The following DCLK1 variants were observed in gnomAD, a reference collection of about 807,000 sequenced individuals.
DCLK1 encodes the protein doublecortin like kinase 1, also known as serine/threonine-protein kinase DCLK1.
DCLK1 carries 16 observed loss-of-function variants against 86.2 expected under a neutral mutation model. The observed-to-expected ratio is 0.19, with a 90% CI of 0.13 to 0.28. DCLK1 has a LOEUF of 0.28. DCLK1 is among the 10% of genes least tolerant of loss of function. The probability of loss-of-function intolerance (pLI) is 1.00; values close to 1 mark genes in which losing one functional copy is unlikely to be tolerated. For missense variants in DCLK1, 590 were observed against 940.2 expected, an observed-to-expected ratio of 0.63 and a Z score of 4.87; for synonymous variants, 369 against 370.5, an observed-to-expected ratio of 1.00 and a Z score of 0.05.
At chr13:35,972,310 C>T (rs527764332) in intron 3 of DCLK1, among the ~76,000 whole-genome samples, 7 of 151,942 alleles carry the variant, frequency 4.6e-5, no homozygotes, top group Non-Finnish European at 8.8e-5. Context: ...GCAATCATAG[C>T]TCACTGCAGC....
intron 4 of DCLK1, among the ~76,000 whole-genome samples, chr13:35,918,941 C>T (rs565819285): frequency 1.7e-5 from 2 of 120,722 alleles, no homozygotes; most frequent in African/African-American, 6.2e-5. Flanking sequence ...CTGTCTGCTG[C>T]CCAGGCTGGA....
chr13:35,805,551 G>A (rs1266722558), intron 15 of DCLK1, 148 bp downstream of exon 15: 3 of 691,854 alleles, frequency 4.3e-6, no homozygotes, highest in Non-Finnish European at 4.7e-6. Flanking sequence ...CACCCACCTC[G>A]GCCTCCCAAA....
At chr13:36,062,562 T>A (rs1363484406) in intron 3 of DCLK1, among the ~76,000 whole-genome samples, 1 of 152,186 alleles carries the variant, frequency 6.6e-6, no homozygotes, top group African/African-American at 2.4e-5. Flanking sequence ...TGTTGATGGA[T>A]CCTTAAAATG....
At chr13:35,827,532 T>G in intron 10 of DCLK1, 103 bp downstream of exon 10, 3 of 1,393,984 alleles carry the variant, frequency 2.2e-6, no homozygotes, top group African/African-American at 1.4e-5. Flanking sequence ...TGTACAGAAA[T>G]GAGAACCTGA....
At chr13:35,891,158 G>A (rs1284706217) in intron 4 of DCLK1, among the ~76,000 whole-genome samples, 1 of 151,976 alleles carries the variant, frequency 6.6e-6, no homozygotes, top group African/African-American at 2.4e-5. Flanking sequence ...TAGGTAGGTG[G>A]CATTATGGGT....
chr13:35,798,852 T>G (rs2086862828), intron 15 of DCLK1, among the ~76,000 whole-genome samples: 1 of 152,218 alleles, frequency 6.6e-6, no homozygotes, highest in Non-Finnish European at 1.5e-5. Context: ...GGGCTGAGTT[T>G]TATTAGTCAA....
In DCLK1 at chr13:36,003,538, G is replaced by T. The variant is rs1236947829; in HGVS notation, c.724-56081C>A. Among the ~76,000 whole-genome samples the T allele has an allele frequency of 2.6e-5, 4 of 152,146 alleles. No individual in the cohort carries two copies. In the East Asian group the frequency reaches 7.7e-4, roughly 29 times the overall value. The stretch of plus-strand genomic sequence containing the variant: ...TACAAGAAATATTTGCTGAGACTAG[G>T]ATTCATGGCAAGATTTGCTTATAAA... On this transcript the variant is annotated intron_variant, in intron 3 of 16. Transcript: ENST00000360631.
Position 35,995,746 on chromosome 13 carries a change from A to G in DCLK1, c.724-48289T>C, listed in dbSNP as rs199625986. 1.1e-4 allele frequency among the ~76,000 whole-genome samples: 16 copies of G among 152,336 alleles called. No individual in the cohort carries two copies. In the East Asian group the frequency reaches 2.3e-3, roughly 22 times the overall value. On this transcript the variant is annotated intron_variant, in intron 3 of 16. Coordinates refer to ENST00000360631, the MANE Select transcript of DCLK1 (RefSeq NM_001330071.2). Reference sequence around the variant, plus strand: ...TGTGAGAGACAACCTCAAAAAAGATAAACTAACCCACGTACGTGAGATCAC... The same window carrying G: ...TGTGAGAGACAACCTCAAAAAAGATGAACTAACCCACGTACGTGAGATCAC...
intron 15 of DCLK1, among the ~76,000 whole-genome samples, chr13:35,802,014 T>C (rs760300278): frequency 6.6e-6 from 1 of 152,152 alleles, no homozygotes; most frequent in Non-Finnish European, 1.5e-5. Context: ...GGCACCTCCT[T>C]CTCTGGGCTC....
intron 4 of DCLK1, among the ~76,000 whole-genome samples, chr13:35,901,264 A>C (rs1874338440): frequency 6.6e-6 from 1 of 152,112 alleles, no homozygotes; most frequent in Non-Finnish European, 1.5e-5. Context: ...ATGCAGGTGG[A>C]TCACTTGAGG....
At chr13:35,798,862 A>G (rs911515139) in intron 15 of DCLK1, among the ~76,000 whole-genome samples, 9 of 152,184 alleles carry the variant, frequency 5.9e-5, no homozygotes, top group Non-Finnish European at 4.4e-5. Flanking sequence ...TTATTAGTCA[A>G]CATGGAATAT....
At chr13:36,012,563 T>C (rs1163689142) in intron 3 of DCLK1, among the ~76,000 whole-genome samples, 4 of 144,214 alleles carry the variant, frequency 2.8e-5, no homozygotes, top group African/African-American at 7.7e-5. Flanking sequence ...GCCCCCACTC[T>C]CTTCTGGCTT....
chr13:36,028,144 A>C (rs1209620911), intron 3 of DCLK1, among the ~76,000 whole-genome samples: 1 of 152,216 alleles, frequency 6.6e-6, no homozygotes, highest in African/African-American at 2.4e-5. Context: ...ATTACTATGA[A>C]ATGTAATATG....
intron 6 of DCLK1, chr13:35,848,256 T>G (rs1192010794): frequency 2.0e-6 from 2 of 984,754 alleles, no homozygotes; most frequent in South Asian, 4.7e-5. Flanking sequence ...CAATCATAAG[T>G]GCCTATAAAT....
At chr13:35,884,884 T>C (rs1873135295) in intron 4 of DCLK1, among the ~76,000 whole-genome samples, 2 of 152,224 alleles carry the variant, frequency 1.3e-5, no homozygotes, top group Admixed American at 1.3e-4. Flanking sequence ...TATAATAGGG[T>C]CCATTCTTAT....
intron 3 of DCLK1, among the ~76,000 whole-genome samples, chr13:36,054,493 C>A (rs1046917371): frequency 6.6e-6 from 1 of 152,154 alleles, no homozygotes; most frequent in Non-Finnish European, 1.5e-5. Flanking sequence ...TAACTAAACA[C>A]TGAGTTGAGA....
chr13:35,850,173 C>T (rs1870503568), intron 6 of DCLK1: 2 of 984,698 alleles, frequency 2.0e-6, no homozygotes, highest in Non-Finnish European at 2.4e-6. Flanking sequence ...TTTCTACTGT[C>T]TAGGGAGAAA....
At position 35,774,738 on chromosome 13, in the gene DCLK1, C is replaced by T. The variant is rs370277242; in HGVS notation, c.2059-39G>A. On this transcript the variant is annotated intron_variant, in intron 16 of 16. Transcript: ENST00000360631. The stretch of plus-strand genomic sequence containing the variant: ...AAAATGAGAAAGAGGACAATTAGGG[C>T]GAGGGAAATGGCAAAACAAACTCTT... The T allele has an allele frequency of 1.4e-5, 22 of 1,584,042 alleles. No homozygotes were observed. The East Asian group carries it at 1.8e-4, about 13-fold the overall frequency.
intron 15 of DCLK1, among the ~76,000 whole-genome samples, chr13:35,797,743 T>C (rs1486140680): frequency 2.0e-5 from 3 of 152,126 alleles, no homozygotes; most frequent in Admixed American, 1.3e-4. Context: ...TTCAGCATAA[T>C]TGGATAAAAA....
Sources: gnomAD v4.1 joint callset for allele counts (sites outside exome capture counted in the v4.1 genomes callset) on GRCh38, gnomAD v4.1.1 for gene constraint, MANE v1.5 for transcripts, NCBI Gene and HGNC (gene_info 2026-07-23, HGNC 2026-07-21) for gene names.